Variants in OLA1 observed in about 807,000 individuals in gnomAD.
OLA1 encodes the protein Obg like ATPase 1, also known as obg-like ATPase 1.
In OLA1, 14 loss-of-function variants were observed where a neutral mutation model predicts 48.4. That is an observed-to-expected ratio of 0.29 (90% CI 0.19 to 0.45). The LOEUF (loss-of-function observed/expected upper bound fraction) is 0.45, where lower values mean the gene tolerates loss of function less well. OLA1 is among the 20% of genes least tolerant of loss of function. The probability of loss-of-function intolerance (pLI) is 1.00; values close to 1 mark genes in which losing one functional copy is unlikely to be tolerated. For synonymous variants in OLA1, 127 were observed against 150.4 expected (o/e 0.84, Z 1.14); for missense variants, 325 against 467.1 (o/e 0.70, Z 2.80).
chr2:174,127,881 T>C (rs563652550), intron 5 of OLA1, among the ~76,000 whole-genome samples: 1 of 152,122 alleles, frequency 6.6e-6, no homozygotes, highest in Non-Finnish European at 1.5e-5. Context: ...CCTTTTATAA[T>C]GTTTATCTAA....
intron 4 of OLA1, among the ~76,000 whole-genome samples, chr2:174,174,837 G>C (rs1349573270): frequency 2.0e-5 from 3 of 149,226 alleles, no homozygotes; most frequent in Admixed American, 6.6e-5. Flanking sequence ...ATAGGAAAAG[G>C]GTCAGAAGAC....
chr2:174,143,100 A>G (rs1038096579), intron 4 of OLA1, among the ~76,000 whole-genome samples: 1 of 152,202 alleles, frequency 6.6e-6, no homozygotes, highest in Non-Finnish European at 1.5e-5. Context: ...GTTTTTAAAT[A>G]TAATTTCCCA....
chr2:174,107,363 A>G (rs1184648757), intron 7 of OLA1, among the ~76,000 whole-genome samples: 1 of 152,100 alleles, frequency 6.6e-6, no homozygotes, highest in African/African-American at 2.4e-5. Context: ...TTACTAAGAT[A>G]ACTGCTGTTT....
chr2:174,149,228 T>C (rs1283377339), intron 4 of OLA1, among the ~76,000 whole-genome samples: 6 of 152,246 alleles, frequency 3.9e-5, no homozygotes, highest in African/African-American at 9.6e-5. Context: ...TATAGGAATC[T>C]TGAATGCCCA....
At chr2:174,135,389 T>C (rs962740911) in intron 5 of OLA1, among the ~76,000 whole-genome samples, 1 of 152,206 alleles carries the variant, frequency 6.6e-6, no homozygotes, top group Non-Finnish European at 1.5e-5. Context: ...ATCAAGGGAA[T>C]AACATGATTA....
intron 2 of OLA1, among the ~76,000 whole-genome samples, 171 bp from the exon 3 acceptor site, chr2:174,229,622 C>T (rs1377174073): frequency 6.6e-6 from 1 of 152,174 alleles, no homozygotes; most frequent in Admixed American, 6.5e-5. Flanking sequence ...ATGAAATTTA[C>T]AACAGTAAAG....
chr2:174,101,054 A>C (rs1026477297), intron 7 of OLA1, among the ~76,000 whole-genome samples: 10 of 152,258 alleles, frequency 6.6e-5, no homozygotes, highest in Non-Finnish European at 1.2e-4. Context: ...AGTTGGAATT[A>C]CTGGATCACA....
chr2:174,117,904 A>G (rs1685821191), intron 7 of OLA1, among the ~76,000 whole-genome samples: 1 of 152,160 alleles, frequency 6.6e-6, no homozygotes, highest in East Asian at 1.9e-4. Context: ...AAACTCCTGT[A>G]TTAGTCCATT....
chr2:174,130,414 G>A (rs1399924351), intron 5 of OLA1, among the ~76,000 whole-genome samples: 1 of 152,162 alleles, frequency 6.6e-6, no homozygotes, highest in Non-Finnish European at 1.5e-5. Context: ...CAATAACCTT[G>A]GTAGAATACA....
At chr2:174,139,823 C>T (rs1686396867) in intron 5 of OLA1, among the ~76,000 whole-genome samples, 1 of 144,032 alleles carries the variant, frequency 6.9e-6, no homozygotes, top group African/African-American at 2.6e-5. Context: ...CGAGATAGTG[C>T]CACTGAACTC....
At chr2:174,114,809 T>G (rs1430301176) in intron 7 of OLA1, among the ~76,000 whole-genome samples, 1 of 152,170 alleles carries the variant, frequency 6.6e-6, no homozygotes, top group African/African-American at 2.4e-5. Context: ...TAAACTAATA[T>G]GCAGAACTCT....
Position 174,109,191 on chromosome 2 carries a change from C to T in OLA1, c.728+13989G>A, listed in dbSNP as rs150653376. Among the ~76,000 whole-genome samples the T allele has an allele frequency of 3.1e-3, 476 of 152,282 alleles. 7 individuals carry two copies. The highest frequency in any genetic ancestry group is 6.3e-4 in the Non-Finnish European group (43 of 68,006). The stretch of plus-strand genomic sequence containing the variant: ...AAAGTAGGTATTATTAGCTAAGCCA[C>T]ACTCACATATCTTCTTATGGCTAAG... On this transcript the variant is annotated intron_variant, in intron 7 of 10. Coordinates refer to ENST00000284719, the MANE Select transcript of OLA1 (RefSeq NM_013341.5).
chr2:174,102,059 A>ATGAAACT (rs1294890181), intron 7 of OLA1, among the ~76,000 whole-genome samples: 1 of 152,170 alleles, frequency 6.6e-6, no homozygotes, highest in Non-Finnish European at 1.5e-5. Flanking sequence ...ATCAGGAATA[A>ATGAAACT]TGAAACTTGA....
chr2:174,194,118 T>C (rs1158266292), intron 4 of OLA1, among the ~76,000 whole-genome samples: 1 of 152,174 alleles, frequency 6.6e-6, no homozygotes, highest in Non-Finnish European at 1.5e-5. Flanking sequence ...ATGGCTTTTG[T>C]TGTATAGTGG....
chr2:174,150,527 A>G (rs1686718181), intron 4 of OLA1, among the ~76,000 whole-genome samples: 1 of 152,222 alleles, frequency 6.6e-6, no homozygotes, highest in African/African-American at 2.4e-5. Flanking sequence ...TGGGAATAAG[A>G]GGGTATGTAA....
chr2:174,113,475 A>C (rs10754982), intron 7 of OLA1, among the ~76,000 whole-genome samples: 19,722 of 152,120 alleles, frequency 0.13, 1,502 homozygotes, highest in East Asian at 0.21. Flanking sequence ...GTAAAAATGC[A>C]AGCTAAGGTG....
chr2:174,119,877 T>C (rs1254810519), intron 7 of OLA1, among the ~76,000 whole-genome samples: 2 of 152,068 alleles, frequency 1.3e-5, no homozygotes, highest in Non-Finnish European at 2.9e-5. Context: ...ACTCATATAA[T>C]ATTACCCAAA....
chr2:174,248,160 A>C (rs1689169354), intron 1 of OLA1: 1 of 161,608 alleles, frequency 6.2e-6, no homozygotes, highest in South Asian at 1.7e-4. Context: ...GGTGGCCGGC[A>C]GCCCACCCAA....
chr2:174,197,307 G>A (rs1424626736), intron 4 of OLA1, among the ~76,000 whole-genome samples: 1 of 151,900 alleles, frequency 6.6e-6, no homozygotes, highest in Non-Finnish European at 1.5e-5. Context: ...TCTCACTGAT[G>A]GCAAAAATTG....
Sources: gnomAD v4.1 joint callset for allele counts (sites outside exome capture counted in the v4.1 genomes callset) on GRCh38, gnomAD v4.1.1 for gene constraint, MANE v1.5 for transcripts, NCBI Gene and HGNC (gene_info 2026-07-23, HGNC 2026-07-21) for gene names.